AFF3: variants seen among roughly 807,000 people sequenced by gnomAD.
AFF3 encodes the protein ALF transcription elongation factor 3.
In AFF3, 32 loss-of-function variants were observed where a neutral mutation model predicts 129.7. The observed-to-expected ratio is 0.25, with a 90% CI of 0.19 to 0.33. AFF3 has a LOEUF of 0.33. Ranked by LOEUF, AFF3 falls within the 10% of genes least tolerant of loss-of-function variation. AFF3 has a pLI of 1.00. For synonymous variants in AFF3, 644 were observed against 635.4 expected (o/e 1.01, Z -0.20); for missense variants, 1,373 against 1,592.0 (o/e 0.86, Z 2.34).
At chr2:99,974,334 T>C (rs1678673364) in intron 7 of AFF3, among the ~76,000 whole-genome samples, 1 of 152,216 alleles carries the variant, frequency 6.6e-6, no homozygotes, top group African/African-American at 2.4e-5. Context: ...GGTGACTTCC[T>C]ACAATGGATT....
At chr2:100,048,958 G>A (rs1373781578) in intron 4 of AFF3, among the ~76,000 whole-genome samples, 1 of 152,060 alleles carries the variant, frequency 6.6e-6, no homozygotes, top group Non-Finnish European at 1.5e-5. Context: ...AAAAAGACAT[G>A]GCTTTTTTCC....
chr2:99,726,605 A>G (rs1020912532), intron 11 of AFF3, among the ~76,000 whole-genome samples: 1 of 152,258 alleles, frequency 6.6e-6, no homozygotes, highest in East Asian at 1.9e-4. Flanking sequence ...TATGTTTTTA[A>G]AACTGCTTTT....
At chr2:100,070,935 A>G (rs1314378162) in intron 4 of AFF3, among the ~76,000 whole-genome samples, 1 of 152,184 alleles carries the variant, frequency 6.6e-6, no homozygotes, top group East Asian at 1.9e-4. Flanking sequence ...AATTTTAATA[A>G]ATGAGATTTT....
At chr2:99,557,698 G>A (rs922409440) in intron 22 of AFF3, among the ~76,000 whole-genome samples, 1 of 152,146 alleles carries the variant, frequency 6.6e-6, no homozygotes, top group African/African-American at 2.4e-5. Flanking sequence ...GAAGACACAG[G>A]ACGGTCAATG....
chr2:99,592,245 C>T (rs1296153083), intron 15 of AFF3, among the ~76,000 whole-genome samples: 1 of 152,172 alleles, frequency 6.6e-6, no homozygotes, highest in African/African-American at 2.4e-5. Flanking sequence ...CTTTTGCTGC[C>T]CTTCTCACTC....
At chr2:99,707,643 C>T (rs1287014442) in intron 11 of AFF3, 3 of 983,734 alleles carry the variant, frequency 3.0e-6, no homozygotes, top group African/African-American at 3.5e-5. Flanking sequence ...CTTCACATTC[C>T]AAATCTTTCC....
chr2:99,855,253 C>T (rs1690440899), intron 7 of AFF3, among the ~76,000 whole-genome samples: 2 of 152,052 alleles, frequency 1.3e-5, no homozygotes, highest in South Asian at 4.2e-4. Context: ...GTGATGGTTG[C>T]ATAAGTCTGA....
At chr2:99,572,721 TGAG>T (rs1261273705) in intron 18 of AFF3, 6 of 442,362 alleles carry the variant, frequency 1.4e-5, no homozygotes, top group Admixed American at 2.5e-5. Context: ...TCCCAAGCTT[TGAG>T]GAGAATGCAT....
chr2:100,092,855 G>C (rs1270630642), intron 4 of AFF3, among the ~76,000 whole-genome samples: 3 of 151,362 alleles, frequency 2.0e-5, no homozygotes, highest in Admixed American at 2.0e-4. Context: ...ATACTCCACA[G>C]GATTTGGGGC....
intron 8 of AFF3, among the ~76,000 whole-genome samples, chr2:99,776,380 A>G (rs534190378): frequency 1.3e-5 from 2 of 152,366 alleles, no homozygotes; most frequent in African/African-American, 4.8e-5. Flanking sequence ...CCAAAGTTCC[A>G]GATGAGGCAC....
At chr2:100,131,103 G>A (rs1247963632) in intron 1 of AFF3, among the ~76,000 whole-genome samples, 18 of 152,128 alleles carry the variant, frequency 1.2e-4, no homozygotes, top group African/African-American at 4.8e-5. Context: ...GCTTAAGAAC[G>A]GGGCAGCTTA....
At chr2:99,648,442 A>G (rs1047499064) in intron 13 of AFF3, among the ~76,000 whole-genome samples, 3 of 152,180 alleles carry the variant, frequency 2.0e-5, no homozygotes, top group Non-Finnish European at 4.4e-5. Flanking sequence ...TCCTCCTCCT[A>G]CTGACACATT....
intron 7 of AFF3, among the ~76,000 whole-genome samples, chr2:99,927,511 A>G (rs1696343914): frequency 6.6e-6 from 1 of 152,156 alleles, no homozygotes; most frequent in African/African-American, 2.4e-5. Flanking sequence ...CTAACTTATA[A>G]GTGGGAGCTA....
chr2:99,918,979 G>A (rs1695674636), intron 7 of AFF3, among the ~76,000 whole-genome samples: 1 of 152,084 alleles, frequency 6.6e-6, no homozygotes, highest in African/African-American at 2.4e-5. Flanking sequence ...TGAAATGCCT[G>A]GCTATCCTCC....
At position 100,085,586 on chromosome 2, in the gene AFF3, T is replaced by G. The variant is rs1317365726; in HGVS notation, c.53+18816A>C. ...ATACCTGGGTCCCTACCCCAGGCAC[T>G]CTGGATCCCCAGCTGATTCTGGGAA... is the stretch of plus-strand genomic sequence containing the variant. On this transcript the variant is annotated intron_variant, in intron 4 of 24. Coordinates refer to ENST00000672756, the MANE Select transcript of AFF3 (RefSeq NM_001386135.1). 7.0e-4 allele frequency among the ~76,000 whole-genome samples: 103 copies of G among 148,048 alleles called. 2 individuals are homozygous for G. The highest frequency in any genetic ancestry group is 1.3e-3 in the Admixed American group (19 of 14,744).
At chr2:99,928,956 C>T (rs1696479918) in intron 7 of AFF3, among the ~76,000 whole-genome samples, 1 of 152,098 alleles carries the variant, frequency 6.6e-6, no homozygotes, top group Non-Finnish European at 1.5e-5. Context: ...CACAGAAACA[C>T]CACAGGAGCC....
chr2:99,744,303 A>G (rs1376954306), intron 9 of AFF3, among the ~76,000 whole-genome samples, 163 bp from the exon 10 acceptor site: 1 of 152,212 alleles, frequency 6.6e-6, no homozygotes, highest in Non-Finnish European at 1.5e-5. Context: ...GGACACATAC[A>G]TGTTAAGCAG....
chr2:100,084,011 C>T (rs1375188740), intron 4 of AFF3, among the ~76,000 whole-genome samples: 6 of 149,410 alleles, frequency 4.0e-5, no homozygotes, highest in Non-Finnish European at 8.8e-5. Context: ...GCCCACAGTG[C>T]CATTAGCTAT....
At chr2:99,947,115 A>T (rs1161911025) in intron 7 of AFF3, among the ~76,000 whole-genome samples, 1 of 152,194 alleles carries the variant, frequency 6.6e-6, no homozygotes, top group Non-Finnish European at 1.5e-5. Context: ...CGCATAACAC[A>T]TCTAAACAAA....
Sources: allele counts gnomAD v4.1 joint callset (sites outside exome capture counted in the v4.1 genomes callset), GRCh38; gene constraint gnomAD v4.1.1; transcripts MANE v1.5; gene names NCBI Gene and HGNC (gene_info 2026-07-23, HGNC 2026-07-21).